The following SNX4 variants were observed in gnomAD, a reference collection of about 807,000 sequenced individuals.
SNX4 encodes the protein sorting nexin 4.
SNX4 carries 49 observed loss-of-function variants against 70.8 expected under a neutral mutation model. The observed-to-expected ratio is 0.69, with a 90% confidence interval of 0.55 to 0.88. The LOEUF (loss-of-function observed/expected upper bound fraction) is 0.88, where lower values mean the gene tolerates loss of function less well. Among genes scored for constraint, SNX4 ranks in the 40% least tolerant of loss-of-function variants. The pLI, the probability that SNX4 is intolerant of heterozygous loss-of-function variation, is 0.00. For missense variants in SNX4, 528 were observed against 544.8 expected (o/e 0.97, Z 0.31); for synonymous variants, 206 against 183.8 (o/e 1.12, Z -0.98).
chr3:125,496,048 G>A (rs903265696), intron 5 of SNX4, among the ~76,000 whole-genome samples: 3 of 152,098 alleles, frequency 2.0e-5, no homozygotes, highest in South Asian at 2.1e-4. Context: ...CTAGCACTTC[G>A]GGAGGCTGAG....
At chr3:125,489,607 A>C (rs1934606390) in intron 5 of SNX4, 144 bp from the exon 6 acceptor site, 5 of 658,472 alleles carry the variant, frequency 7.6e-6, no homozygotes, top group Non-Finnish European at 1.3e-5. Context: ...ATGCCTAAAA[A>C]AATAGCTTAG....
At position 125,447,550 on chromosome 3, in the gene SNX4, CTT is replaced by C; in HGVS notation, c.*227_*228del. 1 of 381,856 alleles carries C rather than the reference CTT, an allele frequency of 2.6e-6. No individual in the cohort carries two copies. Among genetic ancestry groups the C allele is most frequent in the Non-Finnish European group, 4.6e-6 (1 of 218,402 alleles). 23.7% of individuals were successfully genotyped at this position (381,856 alleles called of 1,614,324 possible). A position where few individuals can be genotyped will look rare whatever the true frequency, so the allele number is the denominator to read the frequency against. On this transcript the variant is annotated 3_prime_UTR_variant, in exon 14 of 14. Coordinates refer to ENST00000251775, the MANE Select transcript of SNX4 (RefSeq NM_003794.4). ...CTGTTGGTATATATTATTAAATTAACTTTTTGGAATCAGCACCAGTCCCCAAA... is the reference window on the plus strand; with the variant it reads ...CTGTTGGTATATATTATTAAATTAACTTTGGAATCAGCACCAGTCCCCAAA...
chr3:125,496,392 A>T (rs1934794643), intron 5 of SNX4, among the ~76,000 whole-genome samples: 1 of 152,110 alleles, frequency 6.6e-6, no homozygotes, highest in Admixed American at 6.5e-5. Context: ...TCCTCCTTCT[A>T]GTCTGTTTTG....
intron 2 of SNX4, among the ~76,000 whole-genome samples, chr3:125,502,556 T>C (rs1934952888): frequency 6.6e-6 from 1 of 151,788 alleles, no homozygotes; most frequent in Non-Finnish European, 1.5e-5. Flanking sequence ...AATGGTAGGT[T>C]AAAATTTTTT....
chr3:125,457,441 A>G (rs749162110), intron 10 of SNX4, 76 bp from the exon 11 acceptor site: 206 of 1,072,108 alleles, frequency 1.9e-4, no homozygotes, highest in Non-Finnish European at 2.6e-4. Context: ...GTAGAGGAGA[A>G]CCATTCACAA....
rs560157260 is a variant in SNX4, at chr3:125,504,979, A to AT, written c.142-236dup. On this transcript the variant is annotated intron_variant, in intron 1 of 13. Coordinates refer to ENST00000251775, the MANE Select transcript of SNX4 (RefSeq NM_003794.4). ...TTTAGTTATGTATGTATTTATTTTT[A>AT]TTTTTTTTGAGACCAAGTCTCACTC... Among the ~76,000 whole-genome samples the AT allele has an allele frequency of 8.0e-4, 121 of 151,986 alleles. 1 individual carries two copies. The highest frequency in any genetic ancestry group is 2.0e-3 in the African/African-American group (82 of 41,482).
chr3:125,459,320 AC>A (rs2107529093), intron 10 of SNX4, among the ~76,000 whole-genome samples: 1 of 152,322 alleles, frequency 6.6e-6, no homozygotes, highest in South Asian at 2.1e-4. Flanking sequence ...ATATCCATGC[AC>A]CCCAAATGGT....
At chr3:125,465,712 G>A (rs1399755789) in intron 9 of SNX4, among the ~76,000 whole-genome samples, 5 of 151,102 alleles carry the variant, frequency 3.3e-5, no homozygotes, top group South Asian at 2.1e-4. Flanking sequence ...GTGTGGTCTC[G>A]GCTCACTGCA....
intron 6 of SNX4, among the ~76,000 whole-genome samples, chr3:125,482,656 G>A (rs558952132): frequency 4.6e-5 from 7 of 152,088 alleles, no homozygotes; most frequent in South Asian, 2.1e-4. Context: ...AAGGTTATCC[G>A]CTGATCCTGA....
intron 9 of SNX4, among the ~76,000 whole-genome samples, chr3:125,467,810 C>T (rs1333996223): frequency 6.6e-6 from 1 of 152,156 alleles, no homozygotes; most frequent in East Asian, 1.9e-4. Flanking sequence ...TTAGTTCAGC[C>T]ACTGTGAAAA....
chr3:125,497,079 T>TTA (rs1460373226), intron 5 of SNX4, among the ~76,000 whole-genome samples: 3 of 124,080 alleles, frequency 2.4e-5, no homozygotes, highest in African/African-American at 8.9e-5. Flanking sequence ...AAACACTAAC[T>TTA]AAAAAAAAAA....
chr3:125,495,234 T>C (rs7638713), intron 5 of SNX4, among the ~76,000 whole-genome samples: 67,036 of 104,168 alleles, frequency 0.64, 18,639 homozygotes, highest in African/African-American at 0.72. Flanking sequence ...TGAAATGTGA[T>C]ACACTCATTC....
intron 1 of SNX4, among the ~76,000 whole-genome samples, chr3:125,515,357 AT>A (rs1454874712): frequency 0.15 from 7,278 of 47,944 alleles, 417 homozygotes; most frequent in African/African-American, 0.44. Flanking sequence ...GTCTCAAAAA[AT>A]ATATATATAT....
Position 125,447,074 on chromosome 3 carries a change from T to A in SNX4, c.*705A>T, listed in dbSNP as rs1225460328. On this transcript the variant is annotated 3_prime_UTR_variant, in exon 14 of 14. Transcript: ENST00000251775. ...AAGAATTATTTGAGAAGAATTTAAT[T>A]CTTATATGTAACATATTCAGTTAAA... The A allele has an allele frequency of 6.6e-6, 1 of 152,622 alleles. No individual in the cohort carries two copies. The highest frequency in any genetic ancestry group is 1.5e-5 in the Non-Finnish European group (1 of 68,018). 9.5% of individuals were successfully genotyped at this position (152,622 alleles called of 1,614,324 possible).
At chr3:125,508,697 A>C (rs1452377235) in intron 1 of SNX4, among the ~76,000 whole-genome samples, 1 of 152,238 alleles carries the variant, frequency 6.6e-6, no homozygotes, top group South Asian at 2.1e-4. Context: ...AGACCTATGA[A>C]ATCAGATAGT....
At chr3:125,451,168 A>C (rs1933561809) in intron 13 of SNX4, 137 bp downstream of exon 13, 1 of 464,586 alleles carries the variant, frequency 2.2e-6, no homozygotes. Context: ...AAATCCTACA[A>C]AATTAAAATA....
intron 2 of SNX4, among the ~76,000 whole-genome samples, chr3:125,499,774 A>C (rs1934884029): frequency 6.6e-6 from 1 of 151,794 alleles, no homozygotes; most frequent in Admixed American, 6.6e-5. Flanking sequence ...AAAAAAAAAA[A>C]AAAAAAAAAC....
intron 1 of SNX4, among the ~76,000 whole-genome samples, chr3:125,515,137 C>T (rs1407836998): frequency 6.6e-6 from 1 of 151,956 alleles, no homozygotes; most frequent in Non-Finnish European, 1.5e-5. Context: ...TGCTTGAGGC[C>T]AAGAGTTCGA....
chr3:125,514,495 G>T (rs975180807), intron 1 of SNX4, among the ~76,000 whole-genome samples: 1 of 150,934 alleles, frequency 6.6e-6, no homozygotes, highest in Non-Finnish European at 1.5e-5. Context: ...AGGTTCAAGC[G>T]ATTCTCCTGC....
Sources: allele counts gnomAD v4.1 joint callset (sites outside exome capture counted in the v4.1 genomes callset), GRCh38; gene constraint gnomAD v4.1.1; transcripts MANE v1.5; gene names NCBI Gene and HGNC (gene_info 2026-07-23, HGNC 2026-07-21).